The following BICC1 variants were observed in gnomAD, a reference collection of about 807,000 sequenced individuals.
BICC1 encodes the protein protein bicaudal C homolog 1.
In BICC1, 43 loss-of-function variants were observed where a neutral mutation model predicts 111.0. The observed-to-expected ratio is 0.39, with a 90% confidence interval of 0.30 to 0.50. The LOEUF (loss-of-function observed/expected upper bound fraction) is 0.50, where lower values mean the gene tolerates loss of function less well. BICC1 is among the 20% of genes least tolerant of loss of function. The pLI is 0.88. For synonymous variants in BICC1, 467 were observed against 434.4 expected (o/e 1.07, Z -0.93); for missense variants, 1,091 against 1,203.2 (o/e 0.91, Z 1.38).
chr10:58,708,791 C>G (rs189359388), intron 3 of BICC1, among the ~76,000 whole-genome samples: 3 of 152,298 alleles, frequency 2.0e-5, no homozygotes, highest in South Asian at 2.1e-4. Flanking sequence ...CTACCTAGCC[C>G]CCAGGTGGTC....
chr10:58,519,338 T>G (rs1338027319), intron 1 of BICC1, among the ~76,000 whole-genome samples: 1 of 152,212 alleles, frequency 6.6e-6, no homozygotes, highest in East Asian at 1.9e-4. Context: ...TTGGCCACCT[T>G]TTGCTGCAAA....
chr10:58,828,914 C>T lies in BICC1; in HGVS notation c.*23C>T, dbSNP rs532688868. On this transcript the variant is annotated 3_prime_UTR_variant, in exon 21 of 21. Coordinates refer to ENST00000373886, the MANE Select transcript of BICC1 (RefSeq NM_001080512.3). Reference sequence around the variant, plus strand: ...TAGCAGCACCCTCTTGGCACATGCCCGCTGACTAACTGTAAAGTGGACACA... The same window carrying T: ...TAGCAGCACCCTCTTGGCACATGCCTGCTGACTAACTGTAAAGTGGACACA... 39 of 1,612,786 alleles carry T rather than the reference C, an allele frequency of 2.4e-5. No individual in the cohort carries two copies. The highest frequency in any genetic ancestry group is 4.5e-5 in the East Asian group (2 of 44,820).
At chr10:58,620,233 A>G (rs1053604559) in intron 1 of BICC1, among the ~76,000 whole-genome samples, 1 of 152,208 alleles carries the variant, frequency 6.6e-6, no homozygotes, top group African/African-American at 2.4e-5. Context: ...TTTATGGGCT[A>G]CCATTTATCT....
chr10:58,534,420 A>G (rs111855663), intron 1 of BICC1, among the ~76,000 whole-genome samples: 5 of 151,896 alleles, frequency 3.3e-5, no homozygotes, highest in African/African-American at 1.2e-4. Flanking sequence ...CACCAAGCAT[A>G]TCACTACTAC....
chr10:58,820,445 G>A lies in BICC1; in HGVS notation c.2771G>A (p.Arg924Lys). 6.2e-7 allele frequency: 1 copy of A among 1,610,146 alleles called. No individual in the cohort carries two copies. The highest frequency in any genetic ancestry group is 8.5e-7 in the Non-Finnish European group (1 of 1,176,874). The change falls in exon 20 of 21, where the codon AGG becomes AAG. Residue 924 changes from arginine to lysine, a missense_variant. Arg to Lys is a conservative substitution (Grantham distance 26, BLOSUM62 2). Transcript: ENST00000373886. The part of the protein sequence containing the change: ...ELGITTFGAR[R>K]KMLLAISELN... ...GGAATAACTACTTTTGGTGCCAGGA[G>A]GAAAATGCTGCTTGCAATTTCAGGT...
intron 2 of BICC1, among the ~76,000 whole-genome samples, chr10:58,686,611 T>C (rs1839735922): frequency 6.6e-6 from 1 of 152,084 alleles, no homozygotes; most frequent in South Asian, 2.1e-4. Flanking sequence ...CTTCATTTCA[T>C]TCATTTGATC....
chr10:58,581,594 T>A (rs1487078858), intron 1 of BICC1, among the ~76,000 whole-genome samples: 1 of 152,204 alleles, frequency 6.6e-6, no homozygotes, highest in Non-Finnish European at 1.5e-5. Context: ...AATTGATAGA[T>A]GTTGGTTATT....
At chr10:58,591,098 G>A (rs966293455) in intron 1 of BICC1, among the ~76,000 whole-genome samples, 3 of 151,492 alleles carry the variant, frequency 2.0e-5, no homozygotes, top group African/African-American at 7.3e-5. Context: ...TTTCTTTTCT[G>A]CACATCTGCT....
chr10:58,628,510 A>G (rs945963971), intron 2 of BICC1, among the ~76,000 whole-genome samples: 1 of 152,074 alleles, frequency 6.6e-6, no homozygotes, highest in Non-Finnish European at 1.5e-5. Context: ...ATTTTTTTAC[A>G]TCTCTGTGCC....
intron 1 of BICC1, among the ~76,000 whole-genome samples, chr10:58,527,383 C>T (rs1257322504): frequency 1.3e-5 from 2 of 152,196 alleles, no homozygotes; most frequent in Non-Finnish European, 2.9e-5. Flanking sequence ...CCTGTTCACT[C>T]TGATGGTAGT....
intron 2 of BICC1, among the ~76,000 whole-genome samples, chr10:58,679,956 G>T (rs1365609235): frequency 6.6e-6 from 1 of 152,148 alleles, no homozygotes; most frequent in Non-Finnish European, 1.5e-5. Flanking sequence ...TACCTCAATA[G>T]ATGTAGAAAA....
At chr10:58,785,520 A>G (rs893849743) in intron 4 of BICC1, among the ~76,000 whole-genome samples, 10 of 152,056 alleles carry the variant, frequency 6.6e-5, no homozygotes, top group Non-Finnish European at 8.8e-5. Context: ...GTGTAATGGC[A>G]TGAAATTTGT....
At chr10:58,770,715 C>A (rs190537128) in intron 3 of BICC1, among the ~76,000 whole-genome samples, 2 of 152,166 alleles carry the variant, frequency 1.3e-5, no homozygotes, top group East Asian at 3.9e-4. Flanking sequence ...GAATACAAGG[C>A]TGAACACCAG....
At chr10:58,559,361 A>G (rs1001043268) in intron 1 of BICC1, among the ~76,000 whole-genome samples, 8 of 151,746 alleles carry the variant, frequency 5.3e-5, no homozygotes, top group Admixed American at 5.3e-4. Flanking sequence ...GTAAGTAGAT[A>G]TTGTAAATGA....
intron 15 of BICC1, among the ~76,000 whole-genome samples, chr10:58,805,819 A>T (rs1423045081): frequency 1.3e-5 from 2 of 152,146 alleles, no homozygotes; most frequent in African/African-American, 4.8e-5. Flanking sequence ...GCTATTTCCT[A>T]AATTGGGGAG....
chr10:58,642,666 TTTATTATTATTATTA>T (rs138889861), intron 2 of BICC1, among the ~76,000 whole-genome samples: 234 of 148,288 alleles, frequency 1.6e-3, no homozygotes, highest in African/African-American at 5.5e-3. Context: ...ATATGAACCA[TTTATTATTATTATTA>T]TTATTATTAT....
chr10:58,643,667 T>C (rs2132222988), intron 2 of BICC1, among the ~76,000 whole-genome samples: 1 of 152,232 alleles, frequency 6.6e-6, no homozygotes, highest in African/African-American at 2.4e-5. Flanking sequence ...AAAATAAGTG[T>C]TGGAAAATAA....
intron 1 of BICC1, among the ~76,000 whole-genome samples, chr10:58,583,966 C>T (rs1271252694): frequency 6.6e-6 from 1 of 151,876 alleles, no homozygotes; most frequent in African/African-American, 2.4e-5. Flanking sequence ...CTGCACCTGG[C>T]CACTTTTTCT....
chr10:58,646,183 GTAT>G (rs1838264185), intron 2 of BICC1, among the ~76,000 whole-genome samples: 1 of 151,606 alleles, frequency 6.6e-6, no homozygotes, highest in African/African-American at 2.4e-5. Context: ...CCTAAGAATA[GTAT>G]TATGCCATTT....
Sources: gnomAD v4.1 joint callset for allele counts (sites outside exome capture counted in the v4.1 genomes callset) on GRCh38, gnomAD v4.1.1 for gene constraint, MANE v1.5 for transcripts, NCBI Gene and HGNC (gene_info 2026-07-23, HGNC 2026-07-21) for gene names.